The following CD5 variants were observed in gnomAD, a reference collection of about 807,000 sequenced individuals.
The protein encoded by CD5 is CD5 molecule, also known as T-cell surface glycoprotein CD5.
CD5 carries 36 observed loss-of-function variants against 60.3 expected under a neutral mutation model. The ratio of observed to expected loss-of-function variants is 0.60; its 90% CI spans 0.46 to 0.79. The LOEUF is 0.79. Ranked by LOEUF, CD5 falls within the 30% of genes least tolerant of loss-of-function variation. The pLI is 0.00. For synonymous variants in CD5, 230 were observed against 257.6 expected (o/e 0.89, Z 1.03); for missense variants, 540 against 630.6 (o/e 0.86, Z 1.54).
At position 61,120,836 on chromosome 11, in the gene CD5, T is replaced by A. The variant is rs532535635; in HGVS notation, c.806-775T>A. Among the ~76,000 whole-genome samples, 7 of 152,354 alleles carry A rather than the reference T, an allele frequency of 4.6e-5. No individual in the cohort carries two copies. In the South Asian group the frequency reaches 1.5e-3, roughly 32 times the overall value. ...CTCGCAGTCCCACCGGCCCCTCAGCTACTATCCTTCCTGCAGGCTACAACC... is the reference window on the plus strand; with the variant it reads ...CTCGCAGTCCCACCGGCCCCTCAGCAACTATCCTTCCTGCAGGCTACAACC... On this transcript the variant is annotated intron_variant, in intron 5 of 10. Coordinates refer to ENST00000347785, the MANE Select transcript of CD5 (RefSeq NM_014207.4).
chr11:61,100,320 C>T (rs535331120), upstream of CD5, among the ~76,000 whole-genome samples: 988 of 139,594 alleles, frequency 7.1e-3, 18 homozygotes, highest in African/African-American at 0.024. Context: ...CACACACACA[C>T]GACATGGAGA....
At chr11:61,101,911 TAC>T (rs35648034), upstream of CD5, among the ~76,000 whole-genome samples, 42,681 of 142,000 alleles carry the variant, frequency 0.3, 6,843 homozygotes, top group East Asian at 0.67. Flanking sequence ...TCTCTCTCTC[TAC>T]ACACACACAC....
chr11:61,120,566 G>C (rs899522980), intron 5 of CD5, among the ~76,000 whole-genome samples: 1 of 152,176 alleles, frequency 6.6e-6, no homozygotes, highest in Non-Finnish European at 1.5e-5. Flanking sequence ...TGTGGTCCTG[G>C]AACAGCAGCA....
At chr11:61,122,434 G>A (rs4999549) in intron 6 of CD5, among the ~76,000 whole-genome samples, 80,307 of 145,926 alleles carry the variant, frequency 0.55, 23,061 homozygotes, top group East Asian at 0.99. Flanking sequence ...TGGGTGGGTG[G>A]ATGGATGGAT....
chr11:61,111,772 G>C (rs749349177), intron 1 of CD5, among the ~76,000 whole-genome samples: 1 of 152,182 alleles, frequency 6.6e-6, no homozygotes, highest in Non-Finnish European at 1.5e-5. Context: ...AAAGCTCCCC[G>C]AGGGTCTGCT....
chr11:61,125,087 A>G lies in CD5; in HGVS notation c.1335A>G (p.Thr445=). ...TCCGATCCCATGCTGAGAACCCCAC[A>G]GCCTCCCACGTGGATAACGAATACA... ...ATVRSHAENP[T]ASHVDNEYSQ... is the part of the protein sequence containing the mutation. Residue 445 remains threonine, a synonymous_variant, in exon 9 of 11, where the codon ACA becomes ACG. Coordinates refer to ENST00000347785, the MANE Select transcript of CD5 (RefSeq NM_014207.4). 1.2e-6 allele frequency: 2 copies of G among 1,614,036 alleles called. No homozygotes were observed. Among genetic ancestry groups the G allele is most frequent in the Non-Finnish European group, 1.7e-6 (2 of 1,179,952 alleles).
chr11:61,103,212 C>T (rs539351939), intron 1 of CD5, among the ~76,000 whole-genome samples: 2 of 152,336 alleles, frequency 1.3e-5, no homozygotes, highest in African/African-American at 4.8e-5. Flanking sequence ...GGGATGAGTA[C>T]ACGCTGGGCC....
chr11:61,101,736 G>A (rs771296843), upstream of CD5, among the ~76,000 whole-genome samples: 44 of 136,792 alleles, frequency 3.2e-4, no homozygotes, highest in African/African-American at 7.2e-4. Context: ...AATCACACAC[G>A]TCAACATGGA....
chr11:61,107,692 T>C (rs1459144193), intron 1 of CD5, among the ~76,000 whole-genome samples: 1 of 152,190 alleles, frequency 6.6e-6, no homozygotes, highest in East Asian at 1.9e-4. Context: ...ACTTCTTCTA[T>C]AGCTACCACT....
At chr11:61,122,439 ATGGATGGT>A (rs1861080324) in intron 6 of CD5, among the ~76,000 whole-genome samples, 1 of 149,286 alleles carries the variant, frequency 6.7e-6, no homozygotes, top group Non-Finnish European at 1.5e-5. Flanking sequence ...GGGTGGATGG[ATGGATGGT>A]TGGATGGATG....
chr11:61,115,182 GC>G, intron 2 of CD5, 88 bp downstream of exon 2: 1 of 1,260,004 alleles, frequency 7.9e-7, no homozygotes, highest in Non-Finnish European at 1.1e-6. Flanking sequence ...TCTCGATGAA[GC>G]CATCACTTCT....
intron 5 of CD5, among the ~76,000 whole-genome samples, chr11:61,120,353 T>C (rs573619055): frequency 6.0e-4 from 91 of 152,314 alleles, no homozygotes; most frequent in African/African-American, 2.1e-3. Context: ...GAGAGCTTAC[T>C]TCATGCAGGG....
rs536595491 is a variant in CD5 at position 61,126,646 on chromosome 11, A to T, written c.*361A>T. 1 of 152,408 alleles carries T rather than the reference A, an allele frequency of 6.6e-6. No individual in the cohort carries two copies. The highest frequency in any genetic ancestry group is 1.9e-4 in the East Asian group (1 of 5,182). 9.4% of individuals were successfully genotyped at this position (152,408 alleles called of 1,614,324 possible). The stretch of plus-strand genomic sequence containing the variant: ...ACTCTGTCCCTGGTAAGGAGTGACA[A>T]GGAAGCTCACAGCTGGGCGAGTGCA... On this transcript the variant is annotated 3_prime_UTR_variant, in exon 11 of 11. Transcript: ENST00000347785.
chr11:61,119,433 C>T lies in CD5; in HGVS notation c.663C>T (p.Ala221=), dbSNP rs909854539. The change falls in exon 5 of 11, where the codon GCC becomes GCT. Residue 221 remains alanine, a synonymous_variant. Coordinates refer to ENST00000347785, the MANE Select transcript of CD5 (RefSeq NM_014207.4). ...KHLPETEAGR[A]QDPGEPREHQ... is the part of the protein sequence containing the mutation. Reference sequence around the variant, plus strand: ...TGCCAGAGACTGAGGCAGGCAGAGCCCAAGACCCAGGGGAGCCACGGGAAC... The same window carrying T: ...TGCCAGAGACTGAGGCAGGCAGAGCTCAAGACCCAGGGGAGCCACGGGAAC... 2 of 1,614,004 alleles carry T rather than the reference C, an allele frequency of 1.2e-6. No individual in the cohort carries two copies. The highest frequency in any genetic ancestry group is 1.7e-5 in the Admixed American group (1 of 59,990).
At chr11:61,101,027 C>T (rs1860673561), upstream of CD5, among the ~76,000 whole-genome samples, 1 of 124,808 alleles carries the variant, frequency 8.0e-6, no homozygotes, top group African/African-American at 3.0e-5. Flanking sequence ...AGATCACACA[C>T]ACACATCAAC....
At chr11:61,124,928 C>A in intron 8 of CD5, 104 bp from the exon 9 acceptor site, 1 of 1,429,164 alleles carries the variant, frequency 7.0e-7, no homozygotes, top group Non-Finnish European at 9.7e-7. Flanking sequence ...GTCCTCTCCC[C>A]GCTAACATCA....
intron 9 of CD5, 118 bp downstream of exon 9, chr11:61,125,269 G>C (rs547670492): frequency 1.8e-6 from 2 of 1,118,006 alleles, no homozygotes; most frequent in African/African-American, 1.5e-5. Context: ...GAGACCCCAG[G>C]GTGCAAGGGG....
the CD5 span, among the ~76,000 whole-genome samples, chr11:61,095,220 C>A: frequency 3.3e-5 from 5 of 152,056 alleles, no homozygotes; most frequent in Non-Finnish European, 7.4e-5. Flanking sequence ...ACACCCCAGA[C>A]CACCCAGAGT....
chr11:61,107,768 G>A (rs1457708626), intron 1 of CD5, among the ~76,000 whole-genome samples: 1 of 152,178 alleles, frequency 6.6e-6, no homozygotes, highest in Non-Finnish European at 1.5e-5. Flanking sequence ...ATGGTGTCCA[G>A]AGGGACCCTA....
Sources: allele counts gnomAD v4.1 joint callset (sites outside exome capture counted in the v4.1 genomes callset), GRCh38; gene constraint gnomAD v4.1.1; transcripts MANE v1.5; gene names NCBI Gene and HGNC (gene_info 2026-07-23, HGNC 2026-07-21).